WDR86: variants seen among roughly 807,000 people sequenced by gnomAD.
The protein encoded by WDR86 is WD repeat domain 86.
A neutral mutation model predicts 36.5 loss-of-function variants in WDR86; 30 were observed. The observed-to-expected ratio is 0.82, with a 90% CI of 0.61 to 1.11. The LOEUF is 1.11. Among genes scored for constraint, WDR86 ranks in the 50% most tolerant of loss-of-function variants. The probability of loss-of-function intolerance (pLI) is 0.00; values close to 1 mark genes in which losing one functional copy is unlikely to be tolerated. For missense variants in WDR86, 545 were observed against 561.2 expected (o/e 0.97, Z 0.29); for synonymous variants, 255 against 252.9 (o/e 1.01, Z -0.08).
At position 151,400,196 on chromosome 7, in the gene WDR86, G is replaced by T. The variant is rs561112968; in HGVS notation, c.209C>A (p.Ala70Asp). ...VTFCQLEDEA[A>D]FTCSADCTIR... Reference sequence around the variant, plus strand: ...GGTGCAGTCGGCGCTGCATGTGAAGGCAGCCTCATCCTCCAGCTGGCAGAA... The same window carrying T: ...GGTGCAGTCGGCGCTGCATGTGAAGTCAGCCTCATCCTCCAGCTGGCAGAA... The change falls in exon 2 of 6, where the codon GCC becomes GAC. Residue 70 changes from alanine to aspartate, a missense_variant. Ala to Asp is a moderately radical substitution (Grantham distance 126, BLOSUM62 -2). Coordinates refer to ENST00000334493, the MANE Select transcript of WDR86 (RefSeq NM_198285.3). 1.2e-6 allele frequency: 2 copies of T among 1,611,586 alleles called. No homozygotes were observed. The highest frequency in any genetic ancestry group is 1.7e-5 in the Admixed American group (1 of 59,736).
At position 151,409,328 on chromosome 7, in the gene WDR86, G is replaced by T; in HGVS notation, c.163+99C>A. ...AGTGTGCCGGGATGAGCGGGGGCTG[G>T]ACTTCTAGAAAGGGGTCTGCGGGCG... is the stretch of plus-strand genomic sequence containing the variant. On this transcript the variant is annotated intron_variant, in intron 1 of 5. Coordinates refer to ENST00000334493, the MANE Select transcript of WDR86 (RefSeq NM_198285.3). This position sits in a 1 kb window ranked among gnomAD's most constrained non-coding sequence, Gnocchi z 5.2. 2.7e-6 allele frequency: 4 copies of T among 1,504,600 alleles called. No homozygotes were observed. The highest frequency in any genetic ancestry group is 2.7e-6 in the Non-Finnish European group (3 of 1,110,690). The allele number at this position is 1,504,600 out of a possible 1,614,324, so 93.2% of individuals were successfully genotyped here. A position where few individuals can be genotyped will look rare whatever the true frequency, so the allele number is the denominator to read the frequency against.
chr7:151,397,317 C>T (rs1287169613), intron 2 of WDR86, among the ~76,000 whole-genome samples: 1 of 152,268 alleles, frequency 6.6e-6, no homozygotes, highest in African/African-American at 2.4e-5. Flanking sequence ...GCATTCCTCA[C>T]TTCCCGCAAG....
Position 151,409,448 on chromosome 7 carries a change from G to A in WDR86, c.142C>T (p.Gln48Ter), listed in dbSNP as rs1428083663. ...TARLWSTADG[Q>*]CCALLQGHES... is the part of the protein sequence containing the mutation. ...CTACCTTGCAGGAGCGCGCAGCACTGGCCGTCCGCGGTGCTCCAGAGCCGG... is the reference window on the plus strand; with the variant it reads ...CTACCTTGCAGGAGCGCGCAGCACTAGCCGTCCGCGGTGCTCCAGAGCCGG... Residue 48 changes from glutamine to a stop codon, truncating the protein, a stop_gained, in exon 1 of 6, where the codon CAG becomes TAG. Coordinates refer to ENST00000334493, the MANE Select transcript of WDR86 (RefSeq NM_198285.3). LOFTEE classifies it high-confidence loss of function. This position sits in a 1 kb window ranked among gnomAD's most constrained non-coding sequence, Gnocchi z 5.2. The A allele has an allele frequency of 2.6e-6, 4 of 1,545,220 alleles. No homozygotes were observed. In the African/African-American group the frequency reaches 4.1e-5, roughly 16 times the overall value.
intron 3 of WDR86, among the ~76,000 whole-genome samples, 154 bp downstream of exon 3, chr7:151,395,622 A>G (rs1765985537): frequency 1.3e-5 from 2 of 152,120 alleles, no homozygotes; most frequent in Admixed American, 1.3e-4. Context: ...TTGGATTCCC[A>G]GCCCCAGGAC....
chr7:151,386,880 T>A (rs1288942372), intron 3 of WDR86, among the ~76,000 whole-genome samples: 1 of 152,154 alleles, frequency 6.6e-6, no homozygotes, highest in African/African-American at 2.4e-5. Flanking sequence ...CGTGCCTTCC[T>A]CCCAGGTTTC....
At chr7:151,379,128 G>A (rs943894855), downstream of WDR86, among the ~76,000 whole-genome samples, 1 of 152,194 alleles carries the variant, frequency 6.6e-6, no homozygotes, top group Non-Finnish European at 1.5e-5. Context: ...CCAGATGTGG[G>A]ACAAACAAGA....
downstream of WDR86, chr7:151,374,015 G>A (rs1482927451): frequency 2.4e-4 from 349 of 1,429,734 alleles, 1 homozygote; most frequent in East Asian, 7.5e-5. Context: ...CTGGAAATGC[G>A]GAGAATCCTG....
rs963931038 is a variant in WDR86, at chr7:151,394,916, G to C, written c.726+860C>G. Among the ~76,000 whole-genome samples the C allele has an allele frequency of 1.1e-4, 17 of 152,232 alleles. 1 individual carries two copies. Among genetic ancestry groups the C allele is most frequent in the South Asian group, 1.0e-3 (5 of 4,830 alleles). The stretch of plus-strand genomic sequence containing the variant: ...CTCTTCAGGCCAGACTCTGCCACCA[G>C]GCGTTTTCGTGCCAAGCTTAAGAAA... On this transcript the variant is annotated intron_variant, in intron 3 of 5. Coordinates refer to ENST00000334493, the MANE Select transcript of WDR86 (RefSeq NM_198285.3).
chr7:151,378,433 G>A (rs1233399052), downstream of WDR86: 2 of 152,190 alleles, frequency 1.3e-5, no homozygotes, highest in East Asian at 3.8e-4. Context: ...ATAAAAGGTG[G>A]GAAATATATT....
chr7:151,375,981 C>A, exon 2 of WDR86: 1 of 1,394,702 alleles, frequency 7.2e-7, no homozygotes. Context: ...CTTGGACAGC[C>A]TCGGGTGGGG....
downstream of WDR86, chr7:151,377,307 C>T: frequency 3.9e-6 from 3 of 776,118 alleles, no homozygotes; most frequent in Non-Finnish European, 5.7e-6. Context: ...TCTGTTCTTA[C>T]TTTTTATCTG....
intron 1 of WDR86, among the ~76,000 whole-genome samples, chr7:151,402,089 A>ATATATATC (rs1213348920): frequency 1.6e-5 from 2 of 124,312 alleles, no homozygotes; most frequent in Non-Finnish European, 3.3e-5. Flanking sequence ...ATATATATAT[A>ATATATATC]TATCTCCACA....
At chr7:151,400,857 A>C (rs544544655) in intron 1 of WDR86, among the ~76,000 whole-genome samples, 109 of 152,244 alleles carry the variant, frequency 7.2e-4, no homozygotes, top group Non-Finnish European at 1.5e-3. Context: ...AGGCAAGCTC[A>C]TTCAAGCAAA....
intron 2 of WDR86, among the ~76,000 whole-genome samples, chr7:151,397,667 G>T (rs971510656): frequency 5.9e-4 from 18 of 30,720 alleles, no homozygotes; most frequent in African/African-American, 1.2e-3. Flanking sequence ...GGGCATAGCG[G>T]GAGGAAGAGC....
At position 151,381,938 on chromosome 7, in the gene WDR86, C is replaced by A. The variant is rs370137886; in HGVS notation, c.906G>T (p.Ala302=). 1.4e-5 allele frequency: 22 copies of A among 1,609,224 alleles called. No homozygotes were observed. Among genetic ancestry groups the A allele is most frequent in the Non-Finnish European group, 1.9e-5 (22 of 1,178,374 alleles). ...ACACCCTCCGCAGCTCTCCAGACTG[C>A]GCGTCGAAGGCCCGGGCGCAAGCGT... ...SGDACARAFD[A]QSGELRRVFR... is the part of the protein sequence containing the mutation. The change falls in exon 5 of 6, where the codon GCG becomes GCT. Residue 302 remains alanine (A), a synonymous_variant. Transcript: ENST00000334493. This position sits in a 1 kb window ranked among gnomAD's most constrained non-coding sequence, Gnocchi z 4.8.
downstream of WDR86, among the ~76,000 whole-genome samples, chr7:151,371,227 C>G (rs1016491627): frequency 6.6e-6 from 1 of 152,188 alleles, no homozygotes; most frequent in Non-Finnish European, 1.5e-5. Flanking sequence ...GCCTAAACAT[C>G]AAAACAAGGG....
chr7:151,392,224 A>G (rs1055865724), intron 3 of WDR86, among the ~76,000 whole-genome samples: 1 of 151,688 alleles, frequency 6.6e-6, no homozygotes, highest in African/African-American at 2.4e-5. Context: ...CCCTGCGCCC[A>G]GGCCTGGGTC....
chr7:151,405,324 C>A lies in WDR86; in HGVS notation c.163+4103G>T, dbSNP rs1344561822. Among the ~76,000 whole-genome samples the A allele has an allele frequency of 1.3e-5, 2 of 152,166 alleles. No individual in the cohort carries two copies. Among genetic ancestry groups the A allele is most frequent in the Non-Finnish European group, 2.9e-5 (2 of 68,008 alleles). On this transcript the variant is annotated intron_variant, in intron 1 of 5. Coordinates refer to ENST00000334493, the MANE Select transcript of WDR86 (RefSeq NM_198285.3). This position sits in a 1 kb window ranked among gnomAD's most constrained non-coding sequence, Gnocchi z 4.7. ...GCTCCCTCAGGCTGGCTGTGGCCATCCAACCTGGAAGGAAGCCCTCTCAGC... is the reference window on the plus strand; with the variant it reads ...GCTCCCTCAGGCTGGCTGTGGCCATACAACCTGGAAGGAAGCCCTCTCAGC...
rs1041547165 is a variant in WDR86, at chr7:151,388,181, T to C, written c.727-2958A>G. Among the ~76,000 whole-genome samples, 8 of 152,238 alleles carry C rather than the reference T, an allele frequency of 5.3e-5. No homozygotes were observed. The highest frequency in any genetic ancestry group is 1.0e-4 in the Non-Finnish European group (7 of 68,036). ...CACCACCTCGGGCTCCCAGATCCTG[T>C]AGGTCTTTCTTTTCTCTGGCTGGAT... On this transcript the variant is annotated intron_variant, in intron 3 of 5. Coordinates refer to ENST00000334493, the MANE Select transcript of WDR86 (RefSeq NM_198285.3). The surrounding 1 kb of genome is among the most constrained non-coding windows in gnomAD (Gnocchi z 4.2).
Sources: allele counts gnomAD v4.1 joint callset (sites outside exome capture counted in the v4.1 genomes callset), GRCh38; gene constraint gnomAD v4.1.1; non-coding constraint Gnocchi (gnomAD v3.1); transcripts MANE v1.5; gene names NCBI Gene and HGNC (gene_info 2026-07-23, HGNC 2026-07-21).